The following AKR1C4 variants were observed in gnomAD, a reference collection of about 807,000 sequenced individuals.
AKR1C4 encodes the protein aldo-keto reductase family 1 member C4, also known as 3-alpha-HSD1.
In AKR1C4, 44 loss-of-function variants were observed where a neutral mutation model predicts 41.0. The ratio of observed to expected loss-of-function variants is 1.07; its 90% CI spans 0.84 to 1.38. AKR1C4 has a LOEUF of 1.38. AKR1C4 is among the 40% of genes most tolerant of loss of function. The pLI, the probability that AKR1C4 is intolerant of heterozygous loss-of-function variation, is 0.00. For synonymous variants in AKR1C4, 165 were observed against 137.7 expected (o/e 1.20, Z -1.39); for missense variants, 438 against 387.9 (o/e 1.13, Z -1.09).
At chr10:5,204,568 T>G in intron 3 of AKR1C4, 75 bp downstream of exon 3, 13 of 1,147,958 alleles carry the variant, frequency 1.1e-5, no homozygotes, top group Non-Finnish European at 1.6e-5. Flanking sequence ...ATTGAACTTC[T>G]TCTAAGGAGG....
chr10:5,212,776 TTTAG>T (rs1564404155), intron 6 of AKR1C4, 51 bp downstream of exon 6: 1 of 1,575,846 alleles, frequency 6.3e-7, no homozygotes, highest in Admixed American at 1.7e-5. Context: ...GATGAAAAAT[TTTAG>T]TTATAGCATA....
chr10:5,205,145 A>C (rs1554797349), intron 3 of AKR1C4, among the ~76,000 whole-genome samples: 1 of 149,772 alleles, frequency 6.7e-6, no homozygotes, highest in African/African-American at 2.4e-5. Context: ...GTAGACTCTA[A>C]AAATGTGACC....
chr10:5,207,638 G>T, intron 5 of AKR1C4: 1 of 1,161,234 alleles, frequency 8.6e-7, no homozygotes, highest in Non-Finnish European at 1.2e-6. Context: ...TCAACTCCTT[G>T]GCATTTGCAG....
chr10:5,205,869 G>A lies in AKR1C4; in HGVS notation c.447+35G>A, dbSNP rs115881314. 273 of 1,585,266 alleles carry A rather than the reference G, an allele frequency of 1.7e-4. 1 individual carries two copies. The African/African-American group carries it at 2.9e-3, about 17-fold the overall frequency. ...TGGAGGACAGAGTACAGAAAAGGAA[G>A]ACAAGAAGAGGTAAACCTGTTCCCC... On this transcript the variant is annotated intron_variant, in intron 4 of 8. Coordinates refer to ENST00000263126, the MANE Select transcript of AKR1C4 (RefSeq NM_001818.5).
At chr10:5,208,813 C>T (rs1002783244) in intron 5 of AKR1C4, among the ~76,000 whole-genome samples, 4 of 150,222 alleles carry the variant, frequency 2.7e-5, no homozygotes, top group African/African-American at 9.9e-5. Flanking sequence ...TATTAAGTAC[C>T]TGAAATTATA....
At chr10:5,213,291 A>C (rs573939175) in intron 7 of AKR1C4, 132 bp downstream of exon 7, 2 of 1,412,822 alleles carry the variant, frequency 1.4e-6, no homozygotes. Flanking sequence ...CTTTGTGTGC[A>C]TAAGTGTTTT....
intron 7 of AKR1C4, among the ~76,000 whole-genome samples, chr10:5,215,969 T>C (rs193034511): frequency 4.0e-4 from 61 of 152,284 alleles, no homozygotes; most frequent in Non-Finnish European, 8.7e-4. Flanking sequence ...TCCATATTAG[T>C]CCATTGTGCG....
chr10:5,218,564 T>G (rs1398534351), intron 8 of AKR1C4, among the ~76,000 whole-genome samples, 154 bp from the exon 9 acceptor site: 5 of 149,270 alleles, frequency 3.3e-5, no homozygotes, highest in Non-Finnish European at 6.0e-5. Context: ...AAACACATTA[T>G]AAACTCATGT....
intron 7 of AKR1C4, 32 bp from the exon 8 acceptor site, chr10:5,216,679 C>T (rs1554798536): frequency 1.3e-6 from 2 of 1,534,722 alleles, no homozygotes; most frequent in Non-Finnish European, 1.8e-6. Flanking sequence ...ATTATGCAAT[C>T]TAAGAATAAA....
chr10:5,216,821 C>A, intron 8 of AKR1C4, 28 bp downstream of exon 8: 1 of 1,535,312 alleles, frequency 6.5e-7, no homozygotes. Flanking sequence ...ATGGGTTTCC[C>A]AGTTTATTTT....
intron 5 of AKR1C4, 33 bp downstream of exon 5, chr10:5,206,430 C>A: frequency 6.2e-7 from 1 of 1,613,620 alleles, no homozygotes; most frequent in African/African-American, 1.3e-5. Flanking sequence ...CCTTTCTCTT[C>A]TCAATGTCCA....
At chr10:5,201,828 G>T (rs1036311860) in intron 2 of AKR1C4, among the ~76,000 whole-genome samples, 2 of 152,042 alleles carry the variant, frequency 1.3e-5, no homozygotes, top group South Asian at 4.1e-4. Context: ...TTATACATGT[G>T]GCTTAACAGT....
intron 5 of AKR1C4, chr10:5,207,579 G>T (rs906787214): frequency 8.9e-6 from 8 of 900,926 alleles, no homozygotes; most frequent in Middle Eastern, 4.2e-4. Flanking sequence ...TGAAGAACTT[G>T]TCTCTCTCAG....
chr10:5,200,129 C>T, intron 1 of AKR1C4, 52 bp from the exon 2 acceptor site: 1 of 1,567,700 alleles, frequency 6.4e-7, no homozygotes, highest in African/African-American at 1.4e-5. Context: ...TCCTGTTTCA[C>T]TACCTCTCAA....
chr10:5,206,420 C>T lies in AKR1C4; in HGVS notation c.570+23C>T, dbSNP rs574354508. Reference sequence around the variant, plus strand: ...CAGGTGAGCACCCTCAGCCTCCTCTCCTTTCTCTTCTCAATGTCCATCTTC... The same window carrying T: ...CAGGTGAGCACCCTCAGCCTCCTCTTCTTTCTCTTCTCAATGTCCATCTTC... On this transcript the variant is annotated intron_variant, in intron 5 of 8. Coordinates refer to ENST00000263126, the MANE Select transcript of AKR1C4 (RefSeq NM_001818.5). 5.3e-5 allele frequency: 86 copies of T among 1,613,880 alleles called. 1 individual carries two copies. In the South Asian group the frequency reaches 8.3e-4, roughly 16 times the overall value.
At chr10:5,211,651 T>TC (rs1476182740) in intron 5 of AKR1C4, among the ~76,000 whole-genome samples, 5 of 152,212 alleles carry the variant, frequency 3.3e-5, no homozygotes, top group African/African-American at 4.8e-5. Flanking sequence ...TCCTGAGCCC[T>TC]CCAAACTGTC....
At chr10:5,204,194 T>TACTA (rs1832449515) in intron 2 of AKR1C4, among the ~76,000 whole-genome samples, 183 bp from the exon 3 acceptor site, 1 of 151,584 alleles carries the variant, frequency 6.6e-6, no homozygotes. Context: ...TCAGCAGTTG[T>TACTA]ACTAACTATA....
chr10:5,202,252 C>A (rs183549522), intron 2 of AKR1C4, among the ~76,000 whole-genome samples: 6 of 151,952 alleles, frequency 3.9e-5, no homozygotes, highest in Admixed American at 2.0e-4. Flanking sequence ...TAAGCATATT[C>A]TTAGGGATTT....
At chr10:5,208,580 A>G (rs782048049) in intron 5 of AKR1C4, among the ~76,000 whole-genome samples, 12 of 151,592 alleles carry the variant, frequency 7.9e-5, no homozygotes, top group Non-Finnish European at 1.5e-5. Flanking sequence ...ATATATTCCA[A>G]TGATCACAAT....
Sources: gnomAD v4.1 joint callset for allele counts (sites outside exome capture counted in the v4.1 genomes callset) on GRCh38, gnomAD v4.1.1 for gene constraint, MANE v1.5 for transcripts, NCBI Gene and HGNC (gene_info 2026-07-23, HGNC 2026-07-21) for gene names.